The following OPCML variants were observed in gnomAD, a reference collection of about 807,000 sequenced individuals.
The protein encoded by OPCML is opioid binding protein/cell adhesion molecule like, also known as opioid-binding protein/cell adhesion molecule.
Under a neutral mutation model 37.8 loss-of-function variants are expected in OPCML, and 13 were observed. The ratio of observed to expected loss-of-function variants is 0.34; its 90% CI spans 0.22 to 0.55. The LOEUF (loss-of-function observed/expected upper bound fraction) is 0.55, where lower values mean the gene tolerates loss of function less well. Among genes scored for constraint, OPCML ranks in the 20% least tolerant of loss-of-function variants. The probability of loss-of-function intolerance (pLI) is 0.91; values close to 1 mark genes in which losing one functional copy is unlikely to be tolerated. For synonymous variants in OPCML, 176 were observed against 168.8 expected (o/e 1.04, Z -0.33); for missense variants, 341 against 435.6 (o/e 0.78, Z 1.93).
chr11:132,943,348 T>C lies in OPCML; in HGVS notation c.62-338A>G. On this transcript the variant is annotated intron_variant, in intron 1 of 7. Transcript: ENST00000524381. This position sits in a 1 kb window ranked among gnomAD's most constrained non-coding sequence, Gnocchi z 4.3. ...AAAAAGAGCTTTCTTGACGCTCCCC[T>C]GGGGAGGAGGGAGGCGGCCAGGAGG... 1.8e-6 allele frequency: 1 copy of C among 548,600 alleles called. No individual in the cohort carries two copies. Among genetic ancestry groups the C allele is most frequent in the Non-Finnish European group, 3.2e-6 (1 of 311,642 alleles). 34.0% of individuals were successfully genotyped at this position (548,600 alleles called of 1,614,324 possible). A position where few individuals can be genotyped will look rare whatever the true frequency, so the allele number is the denominator to read the frequency against.
intron 2 of OPCML, among the ~76,000 whole-genome samples, chr11:132,664,337 G>T (rs998768978): frequency 6.6e-6 from 1 of 152,042 alleles, no homozygotes; most frequent in Non-Finnish European, 1.5e-5. Context: ...TGCTTTTAAA[G>T]TGGTCTTCTA....
chr11:132,481,310 A>T (rs2096179606), intron 4 of OPCML, among the ~76,000 whole-genome samples: 1 of 152,114 alleles, frequency 6.6e-6, no homozygotes, highest in South Asian at 2.1e-4. Context: ...CAAAGATCAA[A>T]AGAGACAAAG....
chr11:133,049,396 C>T (rs1165093121), intron 1 of OPCML, among the ~76,000 whole-genome samples: 1 of 152,106 alleles, frequency 6.6e-6, no homozygotes, highest in Non-Finnish European at 1.5e-5. Flanking sequence ...GAGCCCTGGA[C>T]TTGGAATTGG....
chr11:133,227,722 G>T (rs1043626668), intron 1 of OPCML, among the ~76,000 whole-genome samples: 1 of 152,188 alleles, frequency 6.6e-6, no homozygotes, highest in African/African-American at 2.4e-5. Context: ...CCAGGGTGAA[G>T]GGCATCTGCA....
At chr11:132,631,953 C>T (rs1295695165) in intron 3 of OPCML, among the ~76,000 whole-genome samples, 1 of 151,956 alleles carries the variant, frequency 6.6e-6, no homozygotes, top group African/African-American at 2.4e-5. Flanking sequence ...ACCCTAAGGA[C>T]CTATTCACAG....
At position 133,006,543 on chromosome 11, in the gene OPCML, G is replaced by A. The variant is rs536422294; in HGVS notation, c.62-63533C>T. On this transcript the variant is annotated intron_variant, in intron 1 of 7. Transcript: ENST00000524381. ...TTACCCCAATTGTAACTAATAACTC[G>A]GGAACTTTGCACAAATTTTGCTATA... 9.6e-4 allele frequency: 943 copies of A among 985,342 alleles called. 1 individual carries two copies. The highest frequency in any genetic ancestry group is 1.0e-3 in the Non-Finnish European group (871 of 829,924). The allele number at this position is 985,342 out of a possible 1,614,324, so 61.0% of individuals were successfully genotyped here.
chr11:133,253,949 GC>G (rs1306068839), intron 1 of OPCML, among the ~76,000 whole-genome samples: 1 of 142,108 alleles, frequency 7.0e-6, no homozygotes, highest in East Asian at 2.0e-4. Context: ...TCTTGTTTCT[GC>G]AAACATATAT....
In OPCML at chr11:132,598,844, T is replaced by A. The variant is rs143331642; in HGVS notation, c.379+58243A>T. On this transcript the variant is annotated intron_variant, in intron 3 of 7. Coordinates refer to ENST00000524381, the MANE Select transcript of OPCML (RefSeq NM_001012393.5). ...TTTTTAAAAAAATTTCTCTGCTGGA[T>A]ACTGAAGCTAACCTTTTAAAAAATA... Among the ~76,000 whole-genome samples, 290 of 152,338 alleles carry A rather than the reference T, an allele frequency of 1.9e-3. 2 individuals carry two copies. Among genetic ancestry groups the A allele is most frequent in the African/African-American group, 6.4e-3 (266 of 41,588 alleles).
rs186026345 is a variant in OPCML, at chr11:133,101,816, C to A, written c.62-158806G>T. Among the ~76,000 whole-genome samples, 156 of 152,110 alleles carry A rather than the reference C, an allele frequency of 1.0e-3. 4 individuals are homozygous for A. The highest frequency in any genetic ancestry group is 0.01 in the Admixed American group (156 of 15,280). ...TAATTGTCCAAAACTTGGGAGCAAC[C>A]AAAGTGTCCTTCAGTATGTGAATGG... On this transcript the variant is annotated intron_variant, in intron 1 of 7. Coordinates refer to ENST00000524381, the MANE Select transcript of OPCML (RefSeq NM_001012393.5).
At chr11:132,540,423 C>G (rs1419671747) in intron 3 of OPCML, among the ~76,000 whole-genome samples, 1 of 152,184 alleles carries the variant, frequency 6.6e-6, no homozygotes. Flanking sequence ...CAGAAAAATA[C>G]AACCTCTCAG....
chr11:133,200,404 T>G (rs1484245262), intron 1 of OPCML, among the ~76,000 whole-genome samples: 1 of 152,206 alleles, frequency 6.6e-6, no homozygotes, highest in Non-Finnish European at 1.5e-5. Context: ...TGCAAATATT[T>G]TTCTCTTCAC....
intron 1 of OPCML, among the ~76,000 whole-genome samples, chr11:133,432,598 T>G (rs1228709299): frequency 6.6e-6 from 1 of 152,206 alleles, no homozygotes; most frequent in African/African-American, 2.4e-5. Context: ...AATTTTGTGT[T>G]AAATCTGGAA....
At chr11:132,812,280 A>G (rs1487551848) in intron 2 of OPCML, among the ~76,000 whole-genome samples, 1 of 152,144 alleles carries the variant, frequency 6.6e-6, no homozygotes, top group Non-Finnish European at 1.5e-5. Context: ...CAGTTTCCTC[A>G]ATTTTACTCC....
intron 1 of OPCML, among the ~76,000 whole-genome samples, chr11:132,951,975 A>G (rs780617340): frequency 3.0e-4 from 46 of 152,236 alleles, no homozygotes; most frequent in Non-Finnish European, 6.0e-4. Context: ...TATCTAATAA[A>G]ATTTGTATTC....
intron 4 of OPCML, among the ~76,000 whole-genome samples, chr11:132,458,687 C>T (rs771454458): frequency 3.3e-5 from 5 of 152,046 alleles, no homozygotes; most frequent in East Asian, 1.9e-4. Flanking sequence ...TACATTTTAA[C>T]GTAAGTACCT....
chr11:133,296,796 AATT>A, intron 1 of OPCML, among the ~76,000 whole-genome samples: 1 of 152,228 alleles, frequency 6.6e-6, no homozygotes. Context: ...GTAGAAATGA[AATT>A]ATTATAATTC....
intron 2 of OPCML, among the ~76,000 whole-genome samples, chr11:132,700,690 T>C (rs1943771284): frequency 6.6e-6 from 1 of 152,276 alleles, no homozygotes; most frequent in Admixed American, 6.5e-5. Context: ...AAGACTTATT[T>C]TGTGGTTGAA....
intron 4 of OPCML, among the ~76,000 whole-genome samples, chr11:132,461,533 G>T (rs1263755367): frequency 2.0e-5 from 3 of 152,076 alleles, no homozygotes; most frequent in African/African-American, 7.2e-5. Context: ...AATTCTCTTT[G>T]TAATACATGG....
chr11:132,604,815 A>T (rs1938166643), intron 3 of OPCML, among the ~76,000 whole-genome samples: 1 of 152,198 alleles, frequency 6.6e-6, no homozygotes, highest in African/African-American at 2.4e-5. Flanking sequence ...AATGACAAGT[A>T]GTTTGGCTTA....
Sources: gnomAD v4.1 joint callset for allele counts (sites outside exome capture counted in the v4.1 genomes callset) on GRCh38, gnomAD v4.1.1 for gene constraint, Gnocchi (gnomAD v3.1) non-coding constraint, MANE v1.5 for transcripts, NCBI Gene and HGNC (gene_info 2026-07-23, HGNC 2026-07-21) for gene names.